The following ZNF777 variants were observed in gnomAD, a reference collection of about 807,000 sequenced individuals.
ZNF777 encodes zinc finger protein 777.
Under a neutral mutation model 72.1 loss-of-function variants are expected in ZNF777, and 7 were observed. The observed-to-expected ratio is 0.10, with a 90% CI of 0.06 to 0.18. The LOEUF (loss-of-function observed/expected upper bound fraction) is 0.18. Among genes scored for constraint, ZNF777 ranks in the 10% least tolerant of loss-of-function variants. The pLI is 1.00. For synonymous variants in ZNF777, 545 were observed against 483.5 expected (o/e 1.13, Z -1.67); for missense variants, 828 against 1,128.6 (o/e 0.73, Z 3.82).
At position 149,456,014 on chromosome 7, in the gene ZNF777, G is replaced by A. The variant is rs1402662387; in HGVS notation, c.9C>T (p.Asn3=). The A allele has an allele frequency of 6.3e-7, 1 of 1,577,204 alleles. No homozygotes were observed. Among genetic ancestry groups the A allele is most frequent in the Non-Finnish European group, 8.6e-7 (1 of 1,160,088 alleles). Residue 3 remains asparagine (N), a synonymous_variant, in exon 2 of 6, where the codon AAC becomes AAT. Coordinates refer to ENST00000247930, the MANE Select transcript of ZNF777 (RefSeq NM_015694.3). ME[N]QRSSPLSFPS... ...GGAACGACAGAGGTGATGAGCGTTGGTTCTCCATGTCCAGCTGCTGAACCT... is the reference window on the plus strand; with the variant it reads ...GGAACGACAGAGGTGATGAGCGTTGATTCTCCATGTCCAGCTGCTGAACCT...
chr7:149,436,869 G>C lies in ZNF777; in HGVS notation c.1088-43C>G. The C allele has an allele frequency of 6.3e-7, 1 of 1,582,636 alleles. No individual in the cohort carries two copies. Among genetic ancestry groups the C allele is most frequent in the Non-Finnish European group, 8.6e-7 (1 of 1,158,054 alleles). Reference sequence around the variant, plus strand: ...GGGGTGAGGAGGAGAAAAGAACCCAGAATGTTCATGCCAACTGCCCAGGTT... The same window carrying C: ...GGGGTGAGGAGGAGAAAAGAACCCACAATGTTCATGCCAACTGCCCAGGTT... On this transcript the variant is annotated intron_variant, in intron 4 of 5. Coordinates refer to ENST00000247930, the MANE Select transcript of ZNF777 (RefSeq NM_015694.3). The surrounding 1 kb of genome is among the most constrained non-coding windows in gnomAD (Gnocchi z 5.0).
intron 4 of ZNF777, among the ~76,000 whole-genome samples, chr7:149,439,065 A>G (rs545249620): frequency 2.2e-3 from 341 of 152,180 alleles, no homozygotes; most frequent in Non-Finnish European, 2.9e-3. Context: ...GCTCAAAGTC[A>G]CCATCTTTAC....
chr7:149,456,789 A>G (rs1799841386), intron 1 of ZNF777, among the ~76,000 whole-genome samples: 1 of 152,248 alleles, frequency 6.6e-6, no homozygotes, highest in African/African-American at 2.4e-5. Flanking sequence ...ACTCATATCA[A>G]TGAGTCAGTA....
At chr7:149,444,431 C>G (rs985125455) in intron 4 of ZNF777, among the ~76,000 whole-genome samples, 1 of 152,206 alleles carries the variant, frequency 6.6e-6, no homozygotes, top group African/African-American at 2.4e-5. Context: ...CCCCACTCGA[C>G]TGGCTGCCTC....
intron 1 of ZNF777, among the ~76,000 whole-genome samples, chr7:149,456,868 C>T (rs1799843780): frequency 6.6e-6 from 1 of 152,180 alleles, no homozygotes; most frequent in Non-Finnish European, 1.5e-5. Flanking sequence ...GCTGAACGGG[C>T]TTCTGGGTAT....
intron 4 of ZNF777, among the ~76,000 whole-genome samples, chr7:149,442,614 T>C (rs529784162): frequency 6.7e-6 from 1 of 150,298 alleles, no homozygotes; most frequent in South Asian, 2.1e-4. Context: ...AGTGAGACTC[T>C]GTCTAAAAAA....
At chr7:149,437,799 C>CTTTTTTTTTTTTTTTT (rs796721387) in intron 4 of ZNF777, among the ~76,000 whole-genome samples, 6 of 115,654 alleles carry the variant, frequency 5.2e-5, no homozygotes, top group African/African-American at 1.4e-4. Flanking sequence ...ATGTTTGTTT[C>CTTTTTTTTTTTTTTTT]TTTTTCTTTT....
chr7:149,432,200 T>C lies in ZNF777; in HGVS notation c.2072A>G (p.Glu691Gly). The change falls in exon 6 of 6, where the codon GAG (glutamate) becomes GGG (glycine). Residue 691 changes from glutamate to glycine, a missense_variant. Glu to Gly is a moderately conservative substitution (Grantham distance 98). This residue lies in a region of ZNF777 where 24 missense variants were observed against 23.3 expected (regional missense o/e 1.03). Coordinates refer to ENST00000247930, the MANE Select transcript of ZNF777 (RefSeq NM_015694.3). ...GCACAGGCTGCAGATGAAGGAGACC[T>C]CATGCTTGCCCGCGTGCACGCGCTG... Reference protein sequence around the residue: ...IHQRVHAGKHEVSFICSLCGK... With the variant: ...IHQRVHAGKHGVSFICSLCGK... 1 of 1,604,478 alleles carries C rather than the reference T, an allele frequency of 6.2e-7. No individual in the cohort carries two copies. The highest frequency in any genetic ancestry group is 8.5e-7 in the Non-Finnish European group (1 of 1,179,528).
intron 4 of ZNF777, among the ~76,000 whole-genome samples, chr7:149,439,508 G>A (rs1212099623): frequency 2.0e-5 from 3 of 151,992 alleles, no homozygotes; most frequent in Admixed American, 2.0e-4. Flanking sequence ...TAAGAACCCC[G>A]GCAATTTTAA....
intron 2 of ZNF777, 105 bp from the exon 3 acceptor site, chr7:149,454,342 G>A (rs973258389): frequency 6.9e-7 from 1 of 1,457,176 alleles, no homozygotes; most frequent in African/African-American, 1.4e-5. Context: ...CTTCACCTAG[G>A]ACTTTTCTAG....
At chr7:149,440,676 T>G (rs1025568796) in intron 4 of ZNF777, among the ~76,000 whole-genome samples, 13 of 137,254 alleles carry the variant, frequency 9.5e-5, no homozygotes, top group Middle Eastern at 3.5e-3. Flanking sequence ...TTTTTTTGTT[T>G]TTTTTTTTTT....
intron 4 of ZNF777, among the ~76,000 whole-genome samples, chr7:149,437,428 T>C (rs905909179): frequency 1.3e-5 from 2 of 152,140 alleles, no homozygotes; most frequent in Non-Finnish European, 2.9e-5. Flanking sequence ...TTCGGCCCCA[T>C]ACCCTGAGGT....
chr7:149,448,377 A>T (rs977742565), intron 4 of ZNF777, among the ~76,000 whole-genome samples: 2 of 150,744 alleles, frequency 1.3e-5, no homozygotes, highest in African/African-American at 4.9e-5. Context: ...GGCTGAGGCA[A>T]GAGAATTGCT....
chr7:149,454,829 G>A (rs1167584955), intron 2 of ZNF777, among the ~76,000 whole-genome samples: 1 of 152,188 alleles, frequency 6.6e-6, no homozygotes, highest in African/African-American at 2.4e-5. Context: ...TTTAACCCAA[G>A]CTCCTTCCTC....
intron 4 of ZNF777, among the ~76,000 whole-genome samples, chr7:149,437,821 T>G (rs1438445792): frequency 2.8e-5 from 4 of 142,812 alleles, no homozygotes; most frequent in Admixed American, 2.2e-4. Flanking sequence ...TTTTTTTTTT[T>G]GTCACTATTG....
rs1351675498 is a variant in ZNF777 at position 149,448,510 on chromosome 7, T to TATATATATATATATAA, written c.1087+2488_1087+2489insTTATATATATATATAT. 2.7e-3 allele frequency among the ~76,000 whole-genome samples: 335 copies of TATATATATATATATAA among 122,296 alleles called. 6 individuals carry two copies. The highest frequency in any genetic ancestry group is 3.9e-3 in the Middle Eastern group (1 of 258). The allele number at this position is 122,296 out of a possible 152,430, so 80.2% of individuals were successfully genotyped here. ...CTATATATATATATATATATATATA[T>TATATATATATATATAA]AACTATATATAGTTATACATATAGT... On this transcript the variant is annotated intron_variant, in intron 4 of 5. Coordinates refer to ENST00000247930, the MANE Select transcript of ZNF777 (RefSeq NM_015694.3).
intron 4 of ZNF777, among the ~76,000 whole-genome samples, chr7:149,438,402 T>C (rs1233861912): frequency 2.6e-5 from 4 of 152,226 alleles, no homozygotes; most frequent in African/African-American, 9.6e-5. Context: ...CAGAAGAACA[T>C]TCACGTTTTG....
chr7:149,438,244 C>T (rs1249606404), intron 4 of ZNF777, among the ~76,000 whole-genome samples: 19 of 151,774 alleles, frequency 1.3e-4, no homozygotes. Flanking sequence ...GTGATCTGCC[C>T]ACCTCAGCCT....
chr7:149,435,504 T>A (rs1440179959), intron 5 of ZNF777, among the ~76,000 whole-genome samples: 1 of 152,178 alleles, frequency 6.6e-6, no homozygotes, highest in Non-Finnish European at 1.5e-5. Context: ...GAGATGGTCA[T>A]TAATAAAATA....
Sources: gnomAD v4.1 joint callset for allele counts (sites outside exome capture counted in the v4.1 genomes callset) on GRCh38, gnomAD v4.1.1 for gene constraint, gnomAD v4.1.1 regional missense constraint, Gnocchi (gnomAD v3.1) non-coding constraint, MANE v1.5 for transcripts, NCBI Gene and HGNC (gene_info 2026-07-23, HGNC 2026-07-21) for gene names.